The following SLC36A1 variants were observed in gnomAD, a reference collection of about 807,000 sequenced individuals.
The protein encoded by SLC36A1 is solute carrier family 36 member 1.
A neutral mutation model predicts 47.5 loss-of-function variants in SLC36A1; 30 were observed. The ratio of observed to expected loss-of-function variants is 0.63; its 90% confidence interval spans 0.47 to 0.86. The LOEUF (loss-of-function observed/expected upper bound fraction) is 0.86. Ranked by LOEUF, SLC36A1 falls within the 40% of genes least tolerant of loss-of-function variation. The pLI, the probability that SLC36A1 is intolerant of heterozygous loss-of-function variation, is 0.00. For synonymous variants in SLC36A1, 255 were observed against 249.7 expected (o/e 1.02, Z -0.20); for missense variants, 517 against 606.0 (o/e 0.85, Z 1.54).
chr5:151,515,700 T>C, the SLC36A1 span, among the ~76,000 whole-genome samples: 2 of 152,180 alleles, frequency 1.3e-5, no homozygotes, highest in Admixed American at 1.3e-4. Flanking sequence ...GTAGAATCTA[T>C]CTTCTTTCCA....
At chr5:151,553,785 G>C in the SLC36A1 span, among the ~76,000 whole-genome samples, 101 of 152,284 alleles carry the variant, frequency 6.6e-4, 2 homozygotes, top group African/African-American at 2.3e-3. Flanking sequence ...AGAGCTTTGT[G>C]CGCAATATCT....
At chr5:151,452,714 C>CA (rs1398247774) in intron 1 of SLC36A1, among the ~76,000 whole-genome samples, 1 of 149,824 alleles carries the variant, frequency 6.7e-6, no homozygotes, top group Non-Finnish European at 1.5e-5. Flanking sequence ...ACTAAAAACA[C>CA]AAAAAATTAT....
At chr5:151,476,875 C>A in intron 9 of SLC36A1, 119 bp downstream of exon 9, 1 of 1,259,756 alleles carries the variant, frequency 7.9e-7, no homozygotes, top group Non-Finnish European at 1.1e-6. Context: ...TCTAGCCCAC[C>A]ATCCCCTGCC....
chr5:151,497,917 T>TGA, the SLC36A1 span, among the ~76,000 whole-genome samples: 6 of 151,250 alleles, frequency 4.0e-5, no homozygotes, highest in Non-Finnish European at 5.9e-5. Context: ...GGTGCCCACC[T>TGA]ACCTTTAGCT....
chr5:151,507,246 C>T, the SLC36A1 span: 1 of 1,614,124 alleles, frequency 6.2e-7, no homozygotes. Context: ...GGGCACACTG[C>T]AGACCACTGG....
chr5:151,419,045 T>C, the SLC36A1 span, among the ~76,000 whole-genome samples: 2 of 152,242 alleles, frequency 1.3e-5, no homozygotes, highest in Non-Finnish European at 2.9e-5. Context: ...TTGGCACTTC[T>C]CCTGCCTGCC....
the SLC36A1 span, among the ~76,000 whole-genome samples, chr5:151,554,836 C>A: frequency 6.6e-6 from 1 of 152,002 alleles, no homozygotes; most frequent in African/African-American, 2.4e-5. Context: ...GCAACTTTGC[C>A]CCTGGGAAAG....
chr5:151,544,783 T>C, the SLC36A1 span: 87 of 1,614,046 alleles, frequency 5.4e-5, no homozygotes, highest in Non-Finnish European at 7.1e-5. Flanking sequence ...AATTCGGAAA[T>C]ATGTGTAATC....
chr5:151,534,370 G>A, the SLC36A1 span: 3 of 1,512,356 alleles, frequency 2.0e-6, no homozygotes, highest in Non-Finnish European at 2.7e-6. Flanking sequence ...GGTGACCCAG[G>A]AGATCATTGG....
At chr5:151,505,523 C>T in the SLC36A1 span, 3 of 1,611,048 alleles carry the variant, frequency 1.9e-6, no homozygotes, top group East Asian at 2.2e-5. Flanking sequence ...AAGCCAAGTC[C>T]AGTCCTTGGC....
the SLC36A1 span, chr5:151,526,038 A>G: frequency 7.8e-5 from 113 of 1,448,276 alleles, no homozygotes; most frequent in African/African-American, 1.3e-3. Flanking sequence ...GTGTCTGGGT[A>G]TGTCATCTGG....
chr5:151,470,269 C>T (rs940042654), intron 7 of SLC36A1, among the ~76,000 whole-genome samples: 16 of 152,188 alleles, frequency 1.1e-4, no homozygotes, highest in African/African-American at 1.7e-4. Flanking sequence ...AGGCCACCCC[C>T]ATAGACAGAC....
At chr5:151,431,896 A>G in the SLC36A1 span, among the ~76,000 whole-genome samples, 1 of 152,200 alleles carries the variant, frequency 6.6e-6, no homozygotes, top group Non-Finnish European at 1.5e-5. Flanking sequence ...GCTGCAAAAT[A>G]TGATCTCAGC....
At position 151,476,707 on chromosome 5, in the gene SLC36A1, T is replaced by C. The variant is rs1449723934; in HGVS notation, c.940T>C (p.Phe314Leu). The C allele has an allele frequency of 6.2e-7, 1 of 1,613,440 alleles. No individual in the cohort carries two copies. Among genetic ancestry groups the C allele is most frequent in the Non-Finnish European group, 8.5e-7 (1 of 1,179,600 alleles). Residue 314 changes from phenylalanine to leucine, a missense_variant, in exon 9 of 11, where the codon TTT (phenylalanine) becomes CTT (leucine). Physicochemically the swap from Phe to Leu is conservative, Grantham distance 22. Coordinates refer to ENST00000243389, the MANE Select transcript of SLC36A1 (RefSeq NM_078483.4). ...CCTGGGGTGTCTGGGGTACCTGCAATTTGGAGCTAATATCCAAGGCAGCAT... is the reference window on the plus strand; with the variant it reads ...CCTGGGGTGTCTGGGGTACCTGCAACTTGGAGCTAATATCCAAGGCAGCAT... ...ISLGCLGYLQ[F>L]GANIQGSITL... is the part of the protein sequence containing the mutation.
the SLC36A1 span, chr5:151,378,379 C>CAAAAT: frequency 5.5e-6 from 1 of 180,378 alleles, no homozygotes; most frequent in Non-Finnish European, 1.2e-5. Flanking sequence ...AAATTGGGGT[C>CAAAAT]TTTGCCCCAC....
chr5:151,506,069 G>C, the SLC36A1 span: 1 of 1,535,142 alleles, frequency 6.5e-7, no homozygotes, highest in Non-Finnish European at 8.7e-7. Context: ...AGTAAGTAGG[G>C]GGCCAGACCA....
the SLC36A1 span, chr5:151,527,176 T>G: frequency 1.3e-6 from 2 of 1,525,824 alleles, no homozygotes; most frequent in Non-Finnish European, 8.9e-7. Context: ...GGGCATCTTC[T>G]GCTAGAAGGG....
the SLC36A1 span, among the ~76,000 whole-genome samples, chr5:151,537,324 A>AG: frequency 1.9e-4 from 2 of 10,288 alleles, no homozygotes; most frequent in African/African-American, 8.8e-4. Flanking sequence ...AGAAAGAGAA[A>AG]AAAAGAAAGA....
intron 10 of SLC36A1, among the ~76,000 whole-genome samples, chr5:151,482,101 C>G (rs1481306862): frequency 2.0e-5 from 3 of 152,204 alleles, no homozygotes; most frequent in Non-Finnish European, 2.9e-5. Context: ...GAAGCCTGTT[C>G]AGACTGGAAT....
Sources: allele counts gnomAD v4.1 joint callset (sites outside exome capture counted in the v4.1 genomes callset), GRCh38; gene constraint gnomAD v4.1.1; transcripts MANE v1.5; gene names NCBI Gene and HGNC (gene_info 2026-07-23, HGNC 2026-07-21).